The following TBCK variants were observed in gnomAD, a reference collection of about 807,000 sequenced individuals.
TBCK encodes the protein TBC domain-containing protein kinase-like protein.
In TBCK, 99 loss-of-function variants were observed where a neutral mutation model predicts 113.4. The observed-to-expected ratio is 0.87, with a 90% confidence interval of 0.74 to 1.03. TBCK has a LOEUF of 1.03. Ranked by LOEUF, TBCK falls within the 50% of genes least tolerant of loss-of-function variation. The probability of loss-of-function intolerance (pLI) is 0.00; values close to 1 mark genes in which losing one functional copy is unlikely to be tolerated. For missense variants in TBCK, 1,045 were observed against 1,061.3 expected (o/e 0.98, Z 0.21); for synonymous variants, 369 against 370.8 (o/e 1.00, Z 0.05).
rs116670194 is a variant in TBCK at position 106,211,945 on chromosome 4, T to C, written c.1860+805A>G. ...TTGGTTTTTTATCAATAATTTTTAA[T>C]AAAGTATCTTCCTAAAAAATTATAA... On this transcript the variant is annotated intron_variant, in intron 20 of 25. Coordinates refer to ENST00000394708, the MANE Select transcript of TBCK (RefSeq NM_001163435.3). Among the ~76,000 whole-genome samples, 761 of 152,210 alleles carry C rather than the reference T, an allele frequency of 5.0e-3. 10 individuals are homozygous for C. Among genetic ancestry groups the C allele is most frequent in the African/African-American group, 0.017 (719 of 41,562 alleles).
rs1447653426 is a variant in TBCK, at chr4:106,289,819, G to A, written c.266+5275C>T. On this transcript the variant is annotated intron_variant, in intron 3 of 25. Coordinates refer to ENST00000394708, the MANE Select transcript of TBCK (RefSeq NM_001163435.3). ...CGATTGATGTATTATCAGATATGAT[G>A]CATATTAAATAAAACATTAAGTTAA... 3.3e-5 allele frequency among the ~76,000 whole-genome samples: 5 copies of A among 151,096 alleles called. No homozygotes were observed. The East Asian group carries it at 7.7e-4, about 23-fold the overall frequency.
At chr4:106,107,208 G>C (rs1282623103) in intron 24 of TBCK, among the ~76,000 whole-genome samples, 1 of 152,136 alleles carries the variant, frequency 6.6e-6, no homozygotes, top group Admixed American at 6.6e-5. Context: ...ACACTCCAAT[G>C]ACAGTATTAT....
chr4:106,076,236 G>A (rs765512892), intron 25 of TBCK, among the ~76,000 whole-genome samples: 3 of 152,150 alleles, frequency 2.0e-5, no homozygotes, highest in Non-Finnish European at 2.9e-5. Context: ...GGTTAGAAGT[G>A]TATGGCATCC....
At chr4:106,257,950 T>C (rs1280057552) in intron 5 of TBCK, among the ~76,000 whole-genome samples, 1 of 152,096 alleles carries the variant, frequency 6.6e-6, no homozygotes, top group African/African-American at 2.4e-5. Flanking sequence ...TCTTTTTTCC[T>C]GATTTCCAGC....
At chr4:106,063,900 A>G (rs1348493136) in intron 25 of TBCK, among the ~76,000 whole-genome samples, 1 of 151,882 alleles carries the variant, frequency 6.6e-6, no homozygotes, top group Non-Finnish European at 1.5e-5. Context: ...GTGAGAAATA[A>G]ATTTCTATTG....
chr4:106,057,523 C>A (rs574704188), intron 25 of TBCK, among the ~76,000 whole-genome samples: 1 of 151,830 alleles, frequency 6.6e-6, no homozygotes, highest in East Asian at 2.0e-4. Flanking sequence ...TAATCAGATT[C>A]TCCGTACCTT....
At chr4:106,058,046 T>C (rs1196747211) in intron 25 of TBCK, among the ~76,000 whole-genome samples, 1 of 151,776 alleles carries the variant, frequency 6.6e-6, no homozygotes, top group Non-Finnish European at 1.5e-5. Context: ...AACTATTATT[T>C]TCACATGCTT....
intron 23 of TBCK, among the ~76,000 whole-genome samples, chr4:106,117,348 T>C (rs181923561): frequency 5.1e-4 from 78 of 152,322 alleles, no homozygotes; most frequent in Non-Finnish European, 1.8e-4. Flanking sequence ...TTCTAATATA[T>C]GTGTTGGACT....
intron 3 of TBCK, among the ~76,000 whole-genome samples, chr4:106,293,138 C>T (rs1159062964): frequency 6.6e-6 from 1 of 152,210 alleles, no homozygotes; most frequent in Non-Finnish European, 1.5e-5. Flanking sequence ...TTGACTTCAT[C>T]TGTGCTAGAA....
At chr4:106,278,558 CAAAAAAAAAAAAAAA>C (rs376599844) in intron 3 of TBCK, among the ~76,000 whole-genome samples, 1 of 22,136 alleles carries the variant, frequency 4.5e-5, no homozygotes, top group Non-Finnish European at 8.4e-5. Context: ...AACTCTGTCT[CAAAAAAAAAAAAAAA>C]AAAAAAAAAA....
chr4:106,247,336 T>G, intron 9 of TBCK, 49 bp from the exon 10 acceptor site: 1 of 1,577,736 alleles, frequency 6.3e-7, no homozygotes, highest in Non-Finnish European at 8.7e-7. Flanking sequence ...ATAAAAAATT[T>G]CCTAGAATAA....
chr4:106,232,839 C>T, intron 17 of TBCK, 99 bp downstream of exon 17: 2 of 1,206,972 alleles, frequency 1.7e-6, no homozygotes, highest in South Asian at 1.7e-5. Flanking sequence ...TTGACTTTCC[C>T]CAAAGACAAG....
intron 23 of TBCK, among the ~76,000 whole-genome samples, chr4:106,128,706 T>C (rs1323505504): frequency 6.6e-6 from 1 of 152,158 alleles, no homozygotes; most frequent in African/African-American, 2.4e-5. Flanking sequence ...TTATTTTTCC[T>C]TAGGGTAATG....
chr4:106,154,491 A>T (rs1748893234), intron 23 of TBCK, among the ~76,000 whole-genome samples: 1 of 152,148 alleles, frequency 6.6e-6, no homozygotes, highest in African/African-American at 2.4e-5. Flanking sequence ...GTCAAATTGT[A>T]ATTCTCAATA....
chr4:106,159,282 C>T (rs1467895452), intron 23 of TBCK, among the ~76,000 whole-genome samples: 3 of 151,976 alleles, frequency 2.0e-5, no homozygotes, highest in African/African-American at 7.2e-5. Context: ...TACTGGAAGT[C>T]CTAGCTGGAG....
rs34326247 is a variant in TBCK at position 106,061,438 on chromosome 4, C to CTTTT, written c.2572-14762_2572-14759dup. On this transcript the variant is annotated intron_variant, in intron 25 of 25. Transcript: ENST00000394708. The stretch of plus-strand genomic sequence containing the variant: ...GAAGGCTTGGGTGACTGTTAGCATA[C>CTTTT]TTTTTTTTTTTTTTTTAGCAATAAA... Among the ~76,000 whole-genome samples the CTTTT allele has an allele frequency of 1.4e-3, 204 of 142,042 alleles. 1 individual carries two copies. Among genetic ancestry groups the CTTTT allele is most frequent in the East Asian group, 5.6e-3 (27 of 4,846 alleles). 93.2% of individuals were successfully genotyped at this position (142,042 alleles called of 152,430 possible). A position where few individuals can be genotyped will look rare whatever the true frequency, so the allele number is the denominator to read the frequency against.
At chr4:106,158,115 C>A (rs1490965318) in intron 23 of TBCK, among the ~76,000 whole-genome samples, 9 of 151,984 alleles carry the variant, frequency 5.9e-5, no homozygotes. Context: ...GACTTTTAGA[C>A]CATGTTAGAA....
At position 106,046,211 on chromosome 4, in the gene TBCK, G is replaced by T; in HGVS notation, c.*359C>A. 1 of 162,298 alleles carries T rather than the reference G, an allele frequency of 6.2e-6. No homozygotes were observed. The highest frequency in any genetic ancestry group is 1.3e-5 in the Non-Finnish European group (1 of 75,058). 10.1% of individuals were successfully genotyped at this position (162,298 alleles called of 1,614,324 possible). ...GTGTATGTTTCTAAATAACACAATC[G>T]ACAGGACTGTCTGTTCAGTACAATG... On this transcript the variant is annotated 3_prime_UTR_variant, in exon 26 of 26. Coordinates refer to ENST00000394708, the MANE Select transcript of TBCK (RefSeq NM_001163435.3).
intron 19 of TBCK, among the ~76,000 whole-genome samples, chr4:106,221,302 TTA>T (rs1405717701): frequency 6.6e-6 from 1 of 152,244 alleles, no homozygotes; most frequent in African/African-American, 2.4e-5. Context: ...ATGATTGGAT[TTA>T]TATGTTATAA....
Sources: gnomAD v4.1 joint callset for allele counts (sites outside exome capture counted in the v4.1 genomes callset) on GRCh38, gnomAD v4.1.1 for gene constraint, MANE v1.5 for transcripts, NCBI Gene and HGNC (gene_info 2026-07-23, HGNC 2026-07-21) for gene names.